PDGFC: variants seen among roughly 807,000 people sequenced by gnomAD.
PDGFC encodes platelet derived growth factor C.
A neutral mutation model predicts 35.5 loss-of-function variants in PDGFC; 12 were observed. The observed-to-expected ratio is 0.34, with a 90% CI of 0.22 to 0.55. The LOEUF (loss-of-function observed/expected upper bound fraction) is 0.55. Ranked by LOEUF, PDGFC falls within the 20% of genes least tolerant of loss-of-function variation. PDGFC has a pLI of 0.91. For synonymous variants in PDGFC, 159 were observed against 148.8 expected (o/e 1.07, Z -0.50); for missense variants, 322 against 412.4 (o/e 0.78, Z 1.90).
intron 1 of PDGFC, among the ~76,000 whole-genome samples, chr4:156,864,598 A>G (rs1729790722): frequency 6.6e-6 from 1 of 152,072 alleles, no homozygotes; most frequent in South Asian, 2.1e-4. Flanking sequence ...CTTTTTTTAG[A>G]TGGCCTTTTT....
intron 2 of PDGFC, among the ~76,000 whole-genome samples, chr4:156,819,347 G>A (rs530042935): frequency 6.6e-6 from 1 of 152,272 alleles, no homozygotes; most frequent in African/African-American, 2.4e-5. Flanking sequence ...TCAATGCCTG[G>A]CTTCAAAGTT....
At chr4:156,763,951 C>T (rs185809238) in intron 5 of PDGFC, among the ~76,000 whole-genome samples, 2 of 152,282 alleles carry the variant, frequency 1.3e-5, no homozygotes, top group African/African-American at 2.4e-5. Context: ...CCTCTTAATA[C>T]TATGACAAAA....
At chr4:156,799,501 C>G (rs1165626922) in intron 3 of PDGFC, among the ~76,000 whole-genome samples, 1 of 152,202 alleles carries the variant, frequency 6.6e-6, no homozygotes, top group African/African-American at 2.4e-5. Context: ...TAATTTCAAA[C>G]TAAAAATGCT....
chr4:156,862,950 C>A (rs2111118884), intron 1 of PDGFC, among the ~76,000 whole-genome samples: 1 of 152,214 alleles, frequency 6.6e-6, no homozygotes, highest in Middle Eastern at 3.4e-3. Context: ...ACCTCAGCCT[C>A]CCAAAGTACT....
At chr4:156,896,482 C>T (rs904967150) in intron 1 of PDGFC, among the ~76,000 whole-genome samples, 23 of 152,224 alleles carry the variant, frequency 1.5e-4, no homozygotes, top group Non-Finnish European at 4.4e-5. Context: ...AAGAGAAATG[C>T]CACCTGACAA....
At chr4:156,852,742 C>A (rs573449924) in intron 1 of PDGFC, among the ~76,000 whole-genome samples, 64 of 152,148 alleles carry the variant, frequency 4.2e-4, no homozygotes, top group Non-Finnish European at 6.6e-4. Context: ...CCTTCCTAAA[C>A]CCAGAGAAAT....
intron 1 of PDGFC, among the ~76,000 whole-genome samples, chr4:156,919,544 T>C (rs1387213523): frequency 3.9e-5 from 6 of 152,122 alleles, no homozygotes; most frequent in African/African-American, 1.2e-4. Flanking sequence ...AGATTTTCTA[T>C]ACCCTTCAAG....
At chr4:156,866,315 C>T (rs1729840909) in intron 1 of PDGFC, among the ~76,000 whole-genome samples, 1 of 152,058 alleles carries the variant, frequency 6.6e-6, no homozygotes. Context: ...CATAGTATTC[C>T]ATTGTGTGTA....
chr4:156,814,903 A>G (rs1450678157), intron 2 of PDGFC, among the ~76,000 whole-genome samples: 1 of 152,154 alleles, frequency 6.6e-6, no homozygotes, highest in Non-Finnish European at 1.5e-5. Context: ...TGATGAGCAT[A>G]TTATTACTTA....
chr4:156,848,867 C>T (rs10024661), intron 2 of PDGFC, among the ~76,000 whole-genome samples: 8,824 of 151,890 alleles, frequency 0.058, 858 homozygotes, highest in African/African-American at 0.2. Flanking sequence ...CCTGTGGGAA[C>T]TGGAACTCTA....
chr4:156,882,178 C>T (rs892901001), intron 1 of PDGFC, among the ~76,000 whole-genome samples: 2 of 152,114 alleles, frequency 1.3e-5, no homozygotes, highest in African/African-American at 4.8e-5. Flanking sequence ...TAAAACAATA[C>T]ATTGTTAAGA....
chr4:156,783,936 C>T (rs996001240), intron 3 of PDGFC, among the ~76,000 whole-genome samples: 15 of 152,016 alleles, frequency 9.9e-5, no homozygotes, highest in Admixed American at 2.6e-4. Context: ...AAGAGATATG[C>T]TTAATTTTAA....
At chr4:156,960,785 T>A (rs1009621700) in intron 1 of PDGFC, among the ~76,000 whole-genome samples, 1 of 152,074 alleles carries the variant, frequency 6.6e-6, no homozygotes, top group Non-Finnish European at 1.5e-5. Context: ...GAAATTCATC[T>A]AAATTTTATC....
rs377435603 is a variant in PDGFC at position 156,796,798 on chromosome 4, T to C, written c.495+14039A>G. Among the ~76,000 whole-genome samples, 36 of 152,118 alleles carry C rather than the reference T, an allele frequency of 2.4e-4. 2 individuals are homozygous for C. The highest frequency in any genetic ancestry group is 1.2e-3 in the East Asian group (6 of 5,184). ...AGTATTCGAGAAATGATGCATACTATCATTATTACTATGGATAGGCTGTTG... is the reference window on the plus strand; with the variant it reads ...AGTATTCGAGAAATGATGCATACTACCATTATTACTATGGATAGGCTGTTG... On this transcript the variant is annotated intron_variant, in intron 3 of 5. Transcript: ENST00000502773.
chr4:156,773,848 C>A (rs1730750427), intron 3 of PDGFC: 1 of 152,120 alleles, frequency 6.6e-6, no homozygotes, highest in African/African-American at 2.4e-5. Context: ...CACTTATGCA[C>A]ATGGAAATAT....
intron 1 of PDGFC, among the ~76,000 whole-genome samples, chr4:156,954,049 C>A (rs1391656495): frequency 1.3e-5 from 2 of 151,846 alleles, no homozygotes; most frequent in East Asian, 3.9e-4. Context: ...ATTTCTATTG[C>A]CTTAAATTTA....
At chr4:156,852,928 G>C (rs1474430597) in intron 1 of PDGFC, among the ~76,000 whole-genome samples, 1 of 152,184 alleles carries the variant, frequency 6.6e-6, no homozygotes, top group Non-Finnish European at 1.5e-5. Flanking sequence ...ACCCTGGTCA[G>C]CTTGGAAGCA....
At chr4:156,885,927 C>T (rs190362427) in intron 1 of PDGFC, among the ~76,000 whole-genome samples, 1 of 152,236 alleles carries the variant, frequency 6.6e-6, no homozygotes, top group East Asian at 1.9e-4. Context: ...TCTATCCTCC[C>T]TATTTACAAC....
At chr4:156,960,847 T>A (rs1010475662) in intron 1 of PDGFC, among the ~76,000 whole-genome samples, 4 of 151,838 alleles carry the variant, frequency 2.6e-5, no homozygotes, top group Non-Finnish European at 5.9e-5. Flanking sequence ...TAAGAGAGAG[T>A]CTTTAGCATG....
Sources: allele counts gnomAD v4.1 joint callset (sites outside exome capture counted in the v4.1 genomes callset), GRCh38; gene constraint gnomAD v4.1.1; transcripts MANE v1.5; gene names NCBI Gene and HGNC (gene_info 2026-07-23, HGNC 2026-07-21).